The following PCNT variants were observed in gnomAD, a reference collection of about 807,000 sequenced individuals.
The protein encoded by PCNT is pericentrin.
A neutral mutation model predicts 380.4 loss-of-function variants in PCNT; 319 were observed. The observed-to-expected ratio is 0.84, with a 90% CI of 0.77 to 0.92. The LOEUF is 0.92. Among genes scored for constraint, PCNT ranks in the 40% least tolerant of loss-of-function variants. PCNT has a pLI of 0.00. For missense variants in PCNT, 4,400 were observed against 4,255.3 expected, an observed-to-expected ratio of 1.03 and a Z score of -0.95; for synonymous variants, 1,845 against 1,735.2, an observed-to-expected ratio of 1.06 and a Z score of -1.57.
intron 13 of PCNT, among the ~76,000 whole-genome samples, chr21:46,357,410 G>A (rs1484403529): frequency 6.6e-6 from 1 of 152,188 alleles, no homozygotes; most frequent in Admixed American, 6.5e-5. Flanking sequence ...GGTCAGCACC[G>A]GGGCGAAAGT....
At chr21:46,408,871 G>A (rs916570411) in intron 27 of PCNT, among the ~76,000 whole-genome samples, 1 of 150,734 alleles carries the variant, frequency 6.6e-6, no homozygotes, top group African/African-American at 2.4e-5. Context: ...TACAGGCGCC[G>A]CCACCACACC....
chr21:46,353,873 A>G lies in PCNT; in HGVS notation c.1680-114A>G, dbSNP rs956996058. The G allele has an allele frequency of 6.7e-6, 6 of 889,918 alleles. No individual in the cohort carries two copies. In the African/African-American group the frequency reaches 9.9e-5, roughly 15 times the overall value. The allele number at this position is 889,918 out of a possible 1,614,324, so 55.1% of individuals were successfully genotyped here. A position where few individuals can be genotyped will look rare whatever the true frequency, so the allele number is the denominator to read the frequency against. On this transcript the variant is annotated intron_variant, in intron 10 of 46. Coordinates refer to ENST00000359568, the MANE Select transcript of PCNT (RefSeq NM_006031.6). ...CGCACATGGACATTGCCCGTCCTTGACTGGAAGCACGAGGAGGCGCCTCTG... is the reference window on the plus strand; with the variant it reads ...CGCACATGGACATTGCCCGTCCTTGGCTGGAAGCACGAGGAGGCGCCTCTG...
intron 38 of PCNT, among the ~76,000 whole-genome samples, chr21:46,433,360 G>A (rs1313652207): frequency 6.6e-6 from 1 of 152,210 alleles, no homozygotes; most frequent in Admixed American, 6.5e-5. Context: ...TTCAGCCTGG[G>A]CAACAAGAGC....
chr21:46,357,104 AG>A lies in PCNT; in HGVS notation c.2068del (p.Glu690LysfsTer6). The A allele has an allele frequency of 6.2e-7, 1 of 1,613,808 alleles. No individual in the cohort carries two copies. The highest frequency in any genetic ancestry group is 8.5e-7 in the Non-Finnish European group (1 of 1,179,636). ...TTTCGCTTCTTCAGACTGAGCTCAA[AG>A]AAGAAATTGAACTCCTAAAAATAGA... ...QLSLLQTELK[E>X]EIELLKIENR... On this transcript the variant is annotated frameshift_variant, in exon 13 of 47. Coordinates refer to ENST00000359568, the MANE Select transcript of PCNT (RefSeq NM_006031.6). LOFTEE classifies it high-confidence loss of function.
In PCNT at chr21:46,444,744, A is replaced by G; in HGVS notation, c.9890A>G (p.Gln3297Arg). The G allele has an allele frequency of 6.2e-7, 1 of 1,613,254 alleles. No homozygotes were observed. Among genetic ancestry groups the G allele is most frequent in the Non-Finnish European group, 8.5e-7 (1 of 1,179,494 alleles). ...SRLERSLTAS[Q>R]DPEHSLTEYI... The stretch of plus-strand genomic sequence containing the variant: ...TTAGAAAGATCCCTGACTGCTTCTC[A>G]AGATCCAGAACATTCCTTGACAGAG... The change falls in exon 46 of 47, where the codon CAA becomes CGA. Residue 3297 changes from glutamine (Q) to arginine (R), a missense_variant. By Grantham distance (43) the Gln-to-Arg change is conservative (BLOSUM62 1). Transcript: ENST00000359568.
At chr21:46,439,304 C>A (rs906941633) in intron 41 of PCNT, among the ~76,000 whole-genome samples, 1 of 152,110 alleles carries the variant, frequency 6.6e-6, no homozygotes, top group Non-Finnish European at 1.5e-5. Flanking sequence ...TGGAACCAGC[C>A]CGTCTGGGAC....
chr21:46,331,765 C>CAA (rs773653884), intron 2 of PCNT, among the ~76,000 whole-genome samples: 11 of 134,944 alleles, frequency 8.2e-5, no homozygotes, highest in African/African-American at 3.0e-4. Context: ...GGCCTTGTCT[C>CAA]AAAAAAAAAA....
chr21:46,413,064 G>C, intron 29 of PCNT, 72 bp downstream of exon 29: 1 of 1,248,122 alleles, frequency 8.0e-7, no homozygotes, highest in Non-Finnish European at 1.1e-6. Context: ...TGTGGGGAGC[G>C]GGGAAGGCAC....
At chr21:46,402,613 A>C in intron 27 of PCNT, 130 bp downstream of exon 27, 2 of 953,360 alleles carry the variant, frequency 2.1e-6, no homozygotes, top group Non-Finnish European at 3.4e-6. Context: ...CATGTGGCAG[A>C]CAGTGCAGAG....
At chr21:46,352,481 G>A (rs930837082) in intron 9 of PCNT, among the ~76,000 whole-genome samples, 4 of 152,092 alleles carry the variant, frequency 2.6e-5, no homozygotes, top group Admixed American at 6.6e-5. Flanking sequence ...CCTGCCTCTC[G>A]GGACCCATGC....
rs2086243946 is a variant in PCNT at position 46,397,389 on chromosome 21, G to A, written c.4341G>A (p.Leu1447=). The A allele has an allele frequency of 6.2e-7, 1 of 1,614,190 alleles. No homozygotes were observed. Among genetic ancestry groups the A allele is most frequent in the Non-Finnish European group, 8.5e-7 (1 of 1,180,040 alleles). Residue 1447 remains leucine, a synonymous_variant, in exon 22 of 47, where the codon CTG becomes CTA. Transcript: ENST00000359568. ...KILESELEEQ[L]SQHRGCAKQA... The stretch of plus-strand genomic sequence containing the variant: ...TGGAGTCTGAGTTAGAAGAACAGCT[G>A]TCTCAGCATCGCGGGTGTGCCAAGC...
intron 11 of PCNT, among the ~76,000 whole-genome samples, chr21:46,354,732 C>T (rs763375880): frequency 2.6e-5 from 4 of 152,170 alleles, no homozygotes; most frequent in Admixed American, 1.3e-4. Context: ...CAGGAGCCCT[C>T]ACTCTGGAGC....
chr21:46,444,664 TCTTC>T lies in PCNT; in HGVS notation c.9840-29_9840-26del. On this transcript the variant is annotated intron_variant, in intron 45 of 46. Coordinates refer to ENST00000359568, the MANE Select transcript of PCNT (RefSeq NM_006031.6). Reference sequence around the variant, plus strand: ...ACTCAACTCTTTTTTTTTTTTTTTTTCTTCTCTTGGTGTGGTAATTTGTTTGAAG... The same window carrying T: ...ACTCAACTCTTTTTTTTTTTTTTTTTTCTTGGTGTGGTAATTTGTTTGAAG... 3.3e-6 allele frequency: 5 copies of T among 1,529,008 alleles called. No homozygotes were observed. In the Admixed American group the frequency reaches 6.0e-5, roughly 18 times the overall value. The allele number at this position is 1,529,008 out of a possible 1,614,324, so 94.7% of individuals were successfully genotyped here. A position where few individuals can be genotyped will look rare whatever the true frequency, so the allele number is the denominator to read the frequency against.
chr21:46,346,778 G>C lies in PCNT; in HGVS notation c.756G>C (p.Leu252=). 1 of 1,599,170 alleles carries C rather than the reference G, an allele frequency of 6.3e-7. No individual in the cohort carries two copies. The highest frequency in any genetic ancestry group is 8.5e-7 in the Non-Finnish European group (1 of 1,174,138). ...VHGLELEALR[L]SLSNMHTAQL... Reference sequence around the variant, plus strand: ...GCCTTGAGCTGGAGGCGCTGCGCCTGAGTCTGAGCAACATGCACACGGCGC... The same window carrying C: ...GCCTTGAGCTGGAGGCGCTGCGCCTCAGTCTGAGCAACATGCACACGGCGC... The change falls in exon 5 of 47, where the codon CTG becomes CTC. Residue 252 remains leucine (L), a synonymous_variant. Transcript: ENST00000359568.
rs776671533 is a variant in PCNT at position 46,442,546 on chromosome 21, C to G, written c.9673C>G (p.Leu3225Val). The change falls in exon 44 of 47, where the codon CTG becomes GTG. Residue 3225 changes from leucine (L) to valine (V), a missense_variant. Physicochemically the swap from Leu to Val is conservative, Grantham distance 32. Transcript: ENST00000359568. ...KWQEVDRKGA[L>V]AQGKAPRPGP... ...GCAAGAAGTAGATCGGAAAGGAGCT[C>G]TGGCACAAGGCAAAGCCCCTCGCCC... is the stretch of plus-strand genomic sequence containing the variant. 12 of 1,612,310 alleles carry G rather than the reference C, an allele frequency of 7.4e-6. No homozygotes were observed. In the African/African-American group the frequency reaches 8.0e-5, roughly 11 times the overall value.
At chr21:46,444,351 T>C (rs1490014688) in intron 45 of PCNT, among the ~76,000 whole-genome samples, 3 of 152,094 alleles carry the variant, frequency 2.0e-5, no homozygotes, top group Non-Finnish European at 4.4e-5. Flanking sequence ...AGGTGAGGAC[T>C]GAGTGGGGCA....
intron 9 of PCNT, among the ~76,000 whole-genome samples, chr21:46,352,819 G>C (rs2084323960): frequency 6.6e-6 from 1 of 152,140 alleles, no homozygotes; most frequent in Admixed American, 6.5e-5. Context: ...TGGGGCTGCA[G>C]GACCATCGTC....
chr21:46,355,402 C>A (rs536617614), intron 11 of PCNT, 50 bp from the exon 12 acceptor site: 8 of 1,579,912 alleles, frequency 5.1e-6, no homozygotes, highest in Middle Eastern at 1.7e-4. Context: ...TAGCTGCGAG[C>A]GAGGTAGCTT....
intron 41 of PCNT, 96 bp downstream of exon 41, chr21:46,438,433 C>T: frequency 9.0e-7 from 1 of 1,115,886 alleles, no homozygotes; most frequent in Non-Finnish European, 1.4e-6. Context: ...CTTTAGGGAC[C>T]TGGGGATGTG....
Sources: gnomAD v4.1 joint callset for allele counts (sites outside exome capture counted in the v4.1 genomes callset) on GRCh38, gnomAD v4.1.1 for gene constraint, MANE v1.5 for transcripts, NCBI Gene and HGNC (gene_info 2026-07-23, HGNC 2026-07-21) for gene names.